The following POM121C variants were observed in gnomAD, a reference collection of about 807,000 sequenced individuals.
POM121C encodes the protein POM121 transmembrane nucleoporin C, also known as nuclear envelope pore membrane protein POM 121C.
A neutral mutation model predicts 66.4 loss-of-function variants in POM121C; 20 were observed. The observed-to-expected ratio is 0.30, with a 90% CI of 0.21 to 0.44. The LOEUF (loss-of-function observed/expected upper bound fraction) is 0.44. POM121C is among the 20% of genes least tolerant of loss of function. The pLI, the probability that POM121C is intolerant of heterozygous loss-of-function variation, is 1.00. For synonymous variants in POM121C, 286 were observed against 528.0 expected (o/e 0.54, Z 6.28); for missense variants, 580 against 1,225.7 (o/e 0.47, Z 7.87).
intron 3 of POM121C, among the ~76,000 whole-genome samples, chr7:75,463,050 C>T (rs1245701530): frequency 6.6e-6 from 1 of 152,104 alleles, no homozygotes; most frequent in African/African-American, 2.4e-5. Flanking sequence ...GGGCCGGGTG[C>T]GGTGGCTCAC....
intron 3 of POM121C, chr7:75,442,267 G>A (rs1204705626): frequency 7.9e-5 from 114 of 1,450,792 alleles, no homozygotes; most frequent in Non-Finnish European, 9.9e-5. Context: ...CGGGTGGGCG[G>A]CGGCCAGGCC....
At chr7:75,472,650 T>G (rs1373045143) in intron 3 of POM121C, among the ~76,000 whole-genome samples, 1 of 151,728 alleles carries the variant, frequency 6.6e-6, no homozygotes, top group African/African-American at 2.4e-5. Flanking sequence ...ACTAAAAATA[T>G]AAAAATTAGC....
rs1364408793 is a variant in POM121C at position 75,434,027 on chromosome 7, A to G, written c.480+3488T>C. Among the ~76,000 whole-genome samples the G allele has an allele frequency of 2.6e-5, 4 of 151,858 alleles. No individual in the cohort carries two copies. In the East Asian group the frequency reaches 7.7e-4, roughly 29 times the overall value. On this transcript the variant is annotated intron_variant, in intron 7 of 14. Coordinates refer to ENST00000615331, the MANE Select transcript of POM121C (RefSeq NM_001099415.3). ...CCTCTAGAGAGCTGTACCAACTGAC[A>G]CTCCCACTAGCAACGTGTGAGGAGA...
intron 1 of POM121C, among the ~76,000 whole-genome samples, chr7:75,478,611 C>T (rs1792182736): frequency 6.6e-6 from 1 of 151,748 alleles, no homozygotes; most frequent in Non-Finnish European, 1.5e-5. Flanking sequence ...TAACCTTCTA[C>T]AGATAGTACA....
In POM121C at chr7:75,439,197, A is replaced by G; in HGVS notation, c.255T>C (p.His85=). 6.2e-7 allele frequency: 1 copy of G among 1,614,252 alleles called. No individual in the cohort carries two copies. The highest frequency in any genetic ancestry group is 1.1e-5 in the South Asian group (1 of 91,088). The part of the protein sequence containing the change: ...RRRHDSSGSG[H]SAFEPLVASG... ...TGGCCACCAGGGGCTCAAATGCTGA[A>G]TGTCCACTGCCACTGCTATCATGGC... The change falls in exon 6 of 15, where the codon CAT becomes CAC. Residue 85 remains histidine (H), a synonymous_variant. Transcript: ENST00000615331.
At chr7:75,484,886 C>T (rs1792458719) in intron 1 of POM121C, among the ~76,000 whole-genome samples, 1 of 151,586 alleles carries the variant, frequency 6.6e-6, no homozygotes, top group Admixed American at 6.6e-5. Context: ...CTCAATCTGC[C>T]ACCCAGGCTG....
chr7:75,470,826 G>T (rs1398156246), intron 3 of POM121C, among the ~76,000 whole-genome samples: 3 of 151,882 alleles, frequency 2.0e-5, no homozygotes, highest in African/African-American at 7.3e-5. Context: ...TAGAAATGGG[G>T]TCTCCCTATG....
chr7:75,468,369 G>C (rs1490942528), intron 3 of POM121C, among the ~76,000 whole-genome samples: 3 of 143,074 alleles, frequency 2.1e-5, no homozygotes, highest in Non-Finnish European at 4.5e-5. Context: ...CCAGGCTGGA[G>C]TGCAGTGGTG....
intron 1 of POM121C, among the ~76,000 whole-genome samples, chr7:75,479,097 T>G (rs1471344252): frequency 6.6e-6 from 1 of 151,888 alleles, no homozygotes; most frequent in East Asian, 1.9e-4. Context: ...AGAAACATAT[T>G]TAAAGCACTG....
Position 75,421,902 on chromosome 7 carries a change from A to G in POM121C, c.2350T>C (p.Phe784Leu), listed in dbSNP as rs782773045. 8.1e-6 allele frequency: 13 copies of G among 1,612,628 alleles called. No homozygotes were observed. Among genetic ancestry groups the G allele is most frequent in the Non-Finnish European group, 1.1e-5 (13 of 1,179,678 alleles). The change falls in exon 13 of 15, where the codon TTC becomes CTC. Residue 784 changes from phenylalanine to leucine, a missense_variant. Transcript: ENST00000615331. ...GGCTGTGAGCTGGCGGGAGCGCCGA[A>G]GGCGGAAGCCGTGGCTTTCAATCCA... Reference protein sequence around the residue: ...AFGLKATASAFGAPASSQPAF... With the variant: ...AFGLKATASALGAPASSQPAF...
chr7:75,441,787 T>C (rs1790659643), intron 3 of POM121C, 140 bp from the exon 4 acceptor site: 4 of 810,354 alleles, frequency 4.9e-6, no homozygotes, highest in Admixed American at 5.4e-5. Flanking sequence ...GTTGTTTTTA[T>C]GGCAACTTTC....
At position 75,421,542 on chromosome 7, in the gene POM121C, C is replaced by T. The variant is rs395763; in HGVS notation, c.2710G>A (p.Gly904Ser). 18,284 of 1,603,562 alleles carry T rather than the reference C, an allele frequency of 0.011. 1,926 individuals are homozygous for T. The African/African-American group carries it at 0.23, about 20-fold the overall frequency. The part of the protein sequence containing the change: ...GQSTPFAFNV[G>S]STTESKPVFG... ...ACAGGTTTGCTCTCAGTTGTGCTGC[C>T]CACGTTGAAGGCAAACGGTGTGCTC... The change falls in exon 13 of 15, where the codon GGC becomes AGC. Residue 904 changes from glycine (G) to serine (S), a missense_variant. Transcript: ENST00000615331.
chr7:75,421,532 GT>G lies in POM121C; in HGVS notation c.2719del (p.Thr907LeufsTer95). ...TPFAFNVGST[T>X]ESKPVFGGTA... ...ACCTCCAAACACAGGTTTGCTCTCA[GT>G]TGTGCTGCCCACGTTGAAGGCAAAC... is the stretch of plus-strand genomic sequence containing the variant. On this transcript the variant is annotated frameshift_variant, in exon 13 of 15. Transcript: ENST00000615331. LOFTEE classifies it high-confidence loss of function. 3 of 1,611,088 alleles carry G rather than the reference GT, an allele frequency of 1.9e-6. No homozygotes were observed. The highest frequency in any genetic ancestry group is 2.5e-6 in the Non-Finnish European group (3 of 1,179,634).
chr7:75,456,374 A>G (rs1315993478), intron 3 of POM121C, among the ~76,000 whole-genome samples: 2 of 152,292 alleles, frequency 1.3e-5, no homozygotes, highest in African/African-American at 4.8e-5. Flanking sequence ...AGCACCATGT[A>G]CCGAGTGCTG....
chr7:75,459,593 C>A (rs1584695758), intron 3 of POM121C, among the ~76,000 whole-genome samples: 1 of 23,188 alleles, frequency 4.3e-5, no homozygotes, highest in Non-Finnish European at 7.2e-5. Flanking sequence ...GAGTGAGACT[C>A]TGTCTCAAAA....
At chr7:75,431,181 G>A (rs1584659367) in intron 7 of POM121C, among the ~76,000 whole-genome samples, 1 of 151,840 alleles carries the variant, frequency 6.6e-6, no homozygotes, top group East Asian at 1.9e-4. Flanking sequence ...CAGTAATCAG[G>A]GAAATGCAAA....
chr7:75,453,087 G>A (rs1158169349), intron 3 of POM121C, among the ~76,000 whole-genome samples: 8 of 152,000 alleles, frequency 5.3e-5, no homozygotes, highest in Admixed American at 2.0e-4. Context: ...CACTATTGAC[G>A]GTGCACCACC....
chr7:75,453,391 T>A (rs1263737847), intron 3 of POM121C, among the ~76,000 whole-genome samples: 16 of 150,484 alleles, frequency 1.1e-4, no homozygotes, highest in Non-Finnish European at 1.5e-4. Flanking sequence ...GAGACCAGCC[T>A]AACCAACATG....
chr7:75,477,494 C>T (rs1679574521), intron 1 of POM121C, among the ~76,000 whole-genome samples: 1 of 151,896 alleles, frequency 6.6e-6, no homozygotes, highest in Non-Finnish European at 1.5e-5. Context: ...ACCAGTTTCC[C>T]TAAATTACTT....
Sources: allele counts gnomAD v4.1 joint callset (sites outside exome capture counted in the v4.1 genomes callset), GRCh38; gene constraint gnomAD v4.1.1; transcripts MANE v1.5; gene names NCBI Gene and HGNC (gene_info 2026-07-23, HGNC 2026-07-21).